The following CPEB3 variants were observed in gnomAD, a reference collection of about 807,000 sequenced individuals.
CPEB3 encodes the protein cytoplasmic polyadenylation element binding protein 3, also known as cytoplasmic polyadenylation element-binding protein 3.
CPEB3 carries 20 observed loss-of-function variants against 67.2 expected under a neutral mutation model. That is an observed-to-expected ratio of 0.30 (90% CI 0.21 to 0.43). CPEB3 has a LOEUF of 0.43. CPEB3 is among the 20% of genes least tolerant of loss of function. The pLI, the probability that CPEB3 is intolerant of heterozygous loss-of-function variation, is 1.00. For synonymous variants in CPEB3, 376 were observed against 393.1 expected, an observed-to-expected ratio of 0.96 and a Z score of 0.51; for missense variants, 746 against 968.6, an observed-to-expected ratio of 0.77 and a Z score of 3.05.
chr10:92,077,027 T>C (rs1027566904), intron 9 of CPEB3, among the ~76,000 whole-genome samples: 3 of 152,160 alleles, frequency 2.0e-5, no homozygotes, highest in Non-Finnish European at 4.4e-5. Flanking sequence ...AGAACCTTTC[T>C]ATGAGATATG....
Position 92,261,082 on chromosome 10 carries a change from A to T in CPEB3, c.-11-20721T>A, listed in dbSNP as rs1047702072. Among the ~76,000 whole-genome samples the T allele has an allele frequency of 3.3e-5, 5 of 152,056 alleles. No homozygotes were observed. In the South Asian group the frequency reaches 1.0e-3, roughly 32 times the overall value. On this transcript the variant is annotated intron_variant, in intron 1 of 9. Transcript: ENST00000265997. Reference sequence around the variant, plus strand: ...CTGTACAAGCTGATGAGTCACAGGGATCATCAGGGGAAAAAAAAAAGGGCA... The same window carrying T: ...CTGTACAAGCTGATGAGTCACAGGGTTCATCAGGGGAAAAAAAAAAGGGCA...
chr10:92,186,862 C>A (rs892331072), intron 3 of CPEB3, among the ~76,000 whole-genome samples: 1 of 152,126 alleles, frequency 6.6e-6, no homozygotes, highest in Admixed American at 6.5e-5. Context: ...AAAACAAGAA[C>A]CATCACTTCT....
rs1851668152 is a variant in CPEB3 at position 92,238,842 on chromosome 10, A to ACGCAAC, written c.1005+498_1005+503dup. Among the ~76,000 whole-genome samples, 6 of 152,330 alleles carry ACGCAAC rather than the reference A, an allele frequency of 3.9e-5. No homozygotes were observed. The South Asian group carries it at 1.2e-3, about 32-fold the overall frequency. On this transcript the variant is annotated intron_variant, in intron 2 of 9. Transcript: ENST00000265997. ...TGTTCACATTAGTTTAACTGAGCATACGCAACCGTCTGAAATAGCACCACT... is the reference window on the plus strand; with the variant it reads ...TGTTCACATTAGTTTAACTGAGCATACGCAACCGCAACCGTCTGAAATAGCACCACT...
intron 3 of CPEB3, among the ~76,000 whole-genome samples, chr10:92,191,606 C>A (rs925900289): frequency 6.6e-6 from 1 of 151,988 alleles, no homozygotes; most frequent in Non-Finnish European, 1.5e-5. Context: ...TAATATGGGC[C>A]TAGAGAGAAC....
intron 1 of CPEB3, among the ~76,000 whole-genome samples, chr10:92,262,947 G>A (rs922916330): frequency 6.6e-6 from 1 of 151,816 alleles, no homozygotes; most frequent in Non-Finnish European, 1.5e-5. Context: ...CCTCTTTTTT[G>A]TTTGTAGAGA....
chr10:92,072,749 C>A (rs1842796122), intron 9 of CPEB3, among the ~76,000 whole-genome samples: 1 of 152,106 alleles, frequency 6.6e-6, no homozygotes, highest in African/African-American at 2.4e-5. Context: ...GGGATGTATC[C>A]CCCACTTACA....
In CPEB3 at chr10:92,081,294, C is replaced by A. The variant is rs370510401; in HGVS notation, c.1869+26G>T. The A allele has an allele frequency of 2.1e-4, 336 of 1,613,420 alleles. 2 individuals carry two copies. In the African/African-American group the frequency reaches 3.4e-3, roughly 16 times the overall value. On this transcript the variant is annotated intron_variant, in intron 9 of 9. Coordinates refer to ENST00000265997, the MANE Select transcript of CPEB3 (RefSeq NM_014912.5). ...AACAAACTTCTTTTCTCTCCCATAG[C>A]AGTTTCACCCTAAGTAGGTGCTTAC... is the stretch of plus-strand genomic sequence containing the variant.
chr10:92,225,094 C>T (rs762537675), intron 2 of CPEB3, among the ~76,000 whole-genome samples: 1 of 151,620 alleles, frequency 6.6e-6, no homozygotes, highest in Non-Finnish European at 1.5e-5. Context: ...CCTGCCTTAC[C>T]CTCCTGAGTA....
chr10:92,134,670 G>C (rs1475775345), intron 6 of CPEB3, among the ~76,000 whole-genome samples: 1 of 151,776 alleles, frequency 6.6e-6, no homozygotes, highest in African/African-American at 2.4e-5. Flanking sequence ...CTACTTTAAA[G>C]TTCATATGGA....
At chr10:92,081,641 C>T (rs1843157778) in intron 8 of CPEB3, 140 bp from the exon 9 acceptor site, 2 of 747,102 alleles carry the variant, frequency 2.7e-6, no homozygotes, top group South Asian at 1.9e-5. Context: ...AGAATGTCCA[C>T]ACCAGTCTTA....
chr10:92,106,046 C>T (rs1844434030), intron 7 of CPEB3, among the ~76,000 whole-genome samples: 1 of 151,994 alleles, frequency 6.6e-6, no homozygotes, highest in African/African-American at 2.4e-5. Flanking sequence ...GCGCCCACCA[C>T]CATATCCGGC....
intron 7 of CPEB3, among the ~76,000 whole-genome samples, chr10:92,109,454 G>A (rs1043750272): frequency 6.6e-5 from 10 of 151,964 alleles, no homozygotes; most frequent in Non-Finnish European, 7.4e-5. Context: ...GGGTTTCACC[G>A]TGTTAGCCAG....
At chr10:92,253,190 G>A (rs751797904) in intron 1 of CPEB3, among the ~76,000 whole-genome samples, 4 of 151,936 alleles carry the variant, frequency 2.6e-5, no homozygotes, top group Non-Finnish European at 5.9e-5. Context: ...GGCTGGGCAC[G>A]GTAGCTCACG....
intron 6 of CPEB3, chr10:92,118,798 A>C (rs1845173468): frequency 1.3e-6 from 1 of 761,570 alleles, no homozygotes; most frequent in African/African-American, 1.7e-5. Flanking sequence ...ACACAGGTTT[A>C]AACCGTCCTG....
intron 3 of CPEB3, among the ~76,000 whole-genome samples, chr10:92,185,123 G>A (rs1848628422): frequency 6.6e-6 from 1 of 152,160 alleles, no homozygotes; most frequent in African/African-American, 2.4e-5. Flanking sequence ...ATAGAATCAA[G>A]TGCGTGACAT....
rs114564719 is a variant in CPEB3, at chr10:92,053,031, G to A, written c.1870-592C>T. ...CTGTGAGGCTGTGCACCTCAGTGTCGTAATGACACAGCTCCCTGAGACTAA... is the reference window on the plus strand; with the variant it reads ...CTGTGAGGCTGTGCACCTCAGTGTCATAATGACACAGCTCCCTGAGACTAA... On this transcript the variant is annotated intron_variant, in intron 9 of 9. Coordinates refer to ENST00000265997, the MANE Select transcript of CPEB3 (RefSeq NM_014912.5). 3.9e-3 allele frequency among the ~76,000 whole-genome samples: 595 copies of A among 152,360 alleles called. 4 individuals are homozygous for A. The highest frequency in any genetic ancestry group is 0.013 in the African/African-American group (558 of 41,584).
At chr10:92,160,050 G>A (rs910126138) in intron 4 of CPEB3, among the ~76,000 whole-genome samples, 1 of 151,724 alleles carries the variant, frequency 6.6e-6, no homozygotes, top group African/African-American at 2.4e-5. Context: ...AGGTTCAAGC[G>A]ATTCTCCTGC....
At chr10:92,160,295 C>T (rs768167580) in intron 4 of CPEB3, among the ~76,000 whole-genome samples, 1 of 152,076 alleles carries the variant, frequency 6.6e-6, no homozygotes, top group Non-Finnish European at 1.5e-5. Flanking sequence ...ACATAACTTA[C>T]GAAAGGGGAT....
chr10:92,129,014 C>T (rs866196907), intron 6 of CPEB3, among the ~76,000 whole-genome samples: 10 of 152,200 alleles, frequency 6.6e-5, no homozygotes, highest in Admixed American at 2.6e-4. Context: ...GAACATAAAT[C>T]GTTCTATCAT....
Sources: gnomAD v4.1 joint callset for allele counts (sites outside exome capture counted in the v4.1 genomes callset) on GRCh38, gnomAD v4.1.1 for gene constraint, MANE v1.5 for transcripts, NCBI Gene and HGNC (gene_info 2026-07-23, HGNC 2026-07-21) for gene names.